TBCD: variants seen among roughly 807,000 people sequenced by gnomAD.
The protein encoded by TBCD is tubulin folding cofactor D, also known as tubulin-specific chaperone D.
In TBCD, 105 loss-of-function variants were observed where a neutral mutation model predicts 169.3. The ratio of observed to expected loss-of-function variants is 0.62; its 90% CI spans 0.53 to 0.73. TBCD has a LOEUF of 0.73. Among genes scored for constraint, TBCD ranks in the 30% least tolerant of loss-of-function variants. TBCD has a pLI of 0.00. For synonymous variants in TBCD, 700 were observed against 643.9 expected (o/e 1.09, Z -1.32); for missense variants, 1,444 against 1,600.1 (o/e 0.90, Z 1.66).
At chr17:82,762,994 T>C (rs150812769) in intron 2 of TBCD, among the ~76,000 whole-genome samples, 2 of 152,326 alleles carry the variant, frequency 1.3e-5, no homozygotes, top group South Asian at 4.1e-4. Flanking sequence ...TGGTCTGTTT[T>C]GTTGAACATT....
Position 82,889,277 on chromosome 17 carries a change from C to T in TBCD, c.1534-391C>T, listed in dbSNP as rs565476023. Among the ~76,000 whole-genome samples, 9 of 152,184 alleles carry T rather than the reference C, an allele frequency of 5.9e-5. No individual in the cohort carries two copies. Among genetic ancestry groups the T allele is most frequent in the South Asian group, 2.1e-4 (1 of 4,820 alleles). Reference sequence around the variant, plus strand: ...CGGGCAGGGCGCCCTCCCTGGAGGGCGGCACGTGGTGCCAGTTGGTGACCA... The same window carrying T: ...CGGGCAGGGCGCCCTCCCTGGAGGGTGGCACGTGGTGCCAGTTGGTGACCA... On this transcript the variant is annotated intron_variant, in intron 15 of 38. Transcript: ENST00000355528. This position sits in a 1 kb window ranked among gnomAD's most constrained non-coding sequence, Gnocchi z 5.3.
chr17:82,753,695 C>T (rs932472395), intron 1 of TBCD, among the ~76,000 whole-genome samples: 3 of 151,234 alleles, frequency 2.0e-5, no homozygotes, highest in African/African-American at 4.9e-5. Flanking sequence ...CTCAAGTGGT[C>T]GCCCGACTCA....
At chr17:82,921,681 C>CAGT in intron 25 of TBCD, 104 bp downstream of exon 25, 1 of 1,026,150 alleles carries the variant, frequency 9.7e-7, no homozygotes, top group Non-Finnish European at 1.5e-6. Flanking sequence ...GCTGTCCCTG[C>CAGT]AGTAGCCTGA....
At chr17:82,791,638 G>A (rs553419563) in intron 7 of TBCD, among the ~76,000 whole-genome samples, 1 of 152,296 alleles carries the variant, frequency 6.6e-6, no homozygotes, top group South Asian at 2.1e-4. Context: ...GCTCAGTGAT[G>A]GGGGAGTTGT....
chr17:82,814,779 G>A (rs11652093), intron 12 of TBCD, 61 bp from the exon 13 acceptor site: 529 of 1,544,734 alleles, frequency 3.4e-4, no homozygotes, highest in Non-Finnish European at 4.5e-4. Context: ...TTGCCATGCT[G>A]TGGGCTTTGA....
chr17:82,858,502 G>A, intron 13 of TBCD: 1 of 906,824 alleles, frequency 1.1e-6, no homozygotes, highest in Non-Finnish European at 1.3e-6. Context: ...CAGTTCTACA[G>A]GTACTACGGC....
intron 12 of TBCD, among the ~76,000 whole-genome samples, chr17:82,813,633 A>T (rs182383203): frequency 2.8e-4 from 43 of 152,338 alleles, no homozygotes; most frequent in Admixed American, 2.6e-3. Context: ...AAGTCACGGT[A>T]ACCTTGGTGT....
At chr17:82,869,370 G>A (rs979353624) in intron 13 of TBCD, among the ~76,000 whole-genome samples, 1 of 152,082 alleles carries the variant, frequency 6.6e-6, no homozygotes, top group Admixed American at 6.5e-5. Flanking sequence ...AATTTAAAAA[G>A]TAGCTGGGTG....
At chr17:82,846,308 G>GCGTCCC (rs2055083261) in intron 13 of TBCD, among the ~76,000 whole-genome samples, 1 of 143,924 alleles carries the variant, frequency 6.9e-6, no homozygotes, top group African/African-American at 2.7e-5. Flanking sequence ...CCCTCCACGT[G>GCGTCCC]CTGCGTCCAG....
At chr17:82,878,069 C>A (rs1400833761) in intron 14 of TBCD, among the ~76,000 whole-genome samples, 1 of 152,196 alleles carries the variant, frequency 6.6e-6, no homozygotes, top group African/African-American at 2.4e-5. Context: ...TGGAGTTCTT[C>A]TAGACCCTCC....
chr17:82,813,490 T>C (rs1352420110), intron 12 of TBCD, among the ~76,000 whole-genome samples: 1 of 152,178 alleles, frequency 6.6e-6, no homozygotes, highest in African/African-American at 2.4e-5. Flanking sequence ...GTGGTGGTGC[T>C]GGGCCTCTGA....
chr17:82,775,157 A>G (rs2048511284), intron 6 of TBCD, among the ~76,000 whole-genome samples: 1 of 152,206 alleles, frequency 6.6e-6, no homozygotes, highest in Non-Finnish European at 1.5e-5. Flanking sequence ...AGCGCCACCT[A>G]GTGCCGGGAT....
chr17:82,817,297 C>CT (rs1263017278), intron 13 of TBCD, among the ~76,000 whole-genome samples: 2 of 151,552 alleles, frequency 1.3e-5, no homozygotes, highest in Non-Finnish European at 2.9e-5. Context: ...TGCCTGGCAA[C>CT]TTTTTTTTCT....
At chr17:82,830,764 G>A in intron 13 of TBCD, 1 of 1,613,916 alleles carries the variant, frequency 6.2e-7, no homozygotes, top group Non-Finnish European at 8.5e-7. Context: ...TGATTTCTTG[G>A]AGAGGTTGAG....
chr17:82,793,276 G>A (rs573816264), intron 7 of TBCD, among the ~76,000 whole-genome samples: 1 of 152,110 alleles, frequency 6.6e-6, no homozygotes, highest in Admixed American at 6.5e-5. Flanking sequence ...GCTCGCTCCT[G>A]GGGGAGGCAG....
chr17:82,758,703 A>G (rs748042573), intron 2 of TBCD, among the ~76,000 whole-genome samples: 1 of 118,378 alleles, frequency 8.4e-6, no homozygotes. Context: ...TCTGTTGCCC[A>G]GGCTGGAGTA....
chr17:82,941,710 G>C, intron 38 of TBCD: 1 of 537,678 alleles, frequency 1.9e-6, no homozygotes. Context: ...GGGGCGTTTG[G>C]GGGGCCGGGG....
intron 7 of TBCD, among the ~76,000 whole-genome samples, chr17:82,792,202 G>A (rs566889574): frequency 2.0e-3 from 309 of 152,216 alleles, no homozygotes; most frequent in Non-Finnish European, 3.1e-3. Flanking sequence ...CAGCGACTCG[G>A]GAAGCCGAGG....
chr17:82,822,525 G>A (rs1036225295), intron 13 of TBCD, among the ~76,000 whole-genome samples: 14 of 152,194 alleles, frequency 9.2e-5, no homozygotes, highest in African/African-American at 3.4e-4. Context: ...GCAGAAGAGT[G>A]GGCACAGAAA....
Sources: allele counts gnomAD v4.1 joint callset (sites outside exome capture counted in the v4.1 genomes callset), GRCh38; gene constraint gnomAD v4.1.1; non-coding constraint Gnocchi (gnomAD v3.1); transcripts MANE v1.5; gene names NCBI Gene and HGNC (gene_info 2026-07-23, HGNC 2026-07-21).